The following BRINP3 variants were observed in gnomAD, a reference collection of about 807,000 sequenced individuals.
BRINP3 encodes BMP/retinoic acid-inducible neural-specific protein 3.
Under a neutral mutation model 71.0 loss-of-function variants are expected in BRINP3, and 19 were observed. The ratio of observed to expected loss-of-function variants is 0.27; its 90% confidence interval spans 0.19 to 0.39. The LOEUF (loss-of-function observed/expected upper bound fraction) is 0.39, where lower values mean the gene tolerates loss of function less well. BRINP3 is among the 10% of genes least tolerant of loss of function. The pLI is 1.00. For synonymous variants in BRINP3, 380 were observed against 337.7 expected, an observed-to-expected ratio of 1.13 and a Z score of -1.37; for missense variants, 959 against 940.8, an observed-to-expected ratio of 1.02 and a Z score of -0.25.
chr1:190,399,972 TCA>T (rs1487382900), intron 2 of BRINP3, among the ~76,000 whole-genome samples: 3 of 152,016 alleles, frequency 2.0e-5, no homozygotes, highest in African/African-American at 7.2e-5. Context: ...CCTTAAACCA[TCA>T]CACTCTCTAT....
At chr1:190,354,890 T>C (rs538635264) in intron 2 of BRINP3, among the ~76,000 whole-genome samples, 1 of 151,846 alleles carries the variant, frequency 6.6e-6, no homozygotes, top group African/African-American at 2.4e-5. Context: ...TTTGACAATT[T>C]TTCCCATTTC....
chr1:190,116,550 C>T (rs1653150818), intron 7 of BRINP3, among the ~76,000 whole-genome samples: 1 of 152,042 alleles, frequency 6.6e-6, no homozygotes, highest in African/African-American at 2.4e-5. Flanking sequence ...GTAACTGGCT[C>T]TCCACCCTGG....
chr1:190,211,551 G>T (rs1655992691), intron 6 of BRINP3, among the ~76,000 whole-genome samples: 1 of 152,022 alleles, frequency 6.6e-6, no homozygotes, highest in Admixed American at 6.6e-5. Context: ...GATAGGTAAT[G>T]TATCTTCTAT....
At chr1:190,391,501 C>T (rs905448993) in intron 2 of BRINP3, among the ~76,000 whole-genome samples, 1 of 151,670 alleles carries the variant, frequency 6.6e-6, no homozygotes, top group African/African-American at 2.4e-5. Context: ...GATAGATGTC[C>T]AGTCTTAAAT....
chr1:190,262,769 G>A (rs1407918525), intron 4 of BRINP3, among the ~76,000 whole-genome samples: 1 of 151,956 alleles, frequency 6.6e-6, no homozygotes, highest in Non-Finnish European at 1.5e-5. Flanking sequence ...ACTTCTTTGG[G>A]ACTCGTTTTG....
At chr1:190,392,909 A>C (rs1194142396) in intron 2 of BRINP3, among the ~76,000 whole-genome samples, 2 of 151,728 alleles carry the variant, frequency 1.3e-5, no homozygotes, top group Non-Finnish European at 3.0e-5. Flanking sequence ...TCTTAATTTA[A>C]GTTGCTTGAT....
chr1:190,468,845 A>G (rs1202233347), intron 1 of BRINP3, among the ~76,000 whole-genome samples: 1 of 151,048 alleles, frequency 6.6e-6, no homozygotes, highest in Non-Finnish European at 1.5e-5. Context: ...TCTAAAATAT[A>G]CTTTGAATGT....
intron 7 of BRINP3, among the ~76,000 whole-genome samples, chr1:190,115,758 A>T (rs1653079022): frequency 6.6e-6 from 1 of 152,086 alleles, no homozygotes; most frequent in African/African-American, 2.4e-5. Context: ...ACTGTGGGAA[A>T]CCGAAGGTGA....
intron 3 of BRINP3, among the ~76,000 whole-genome samples, chr1:190,267,827 A>C (rs1237774297): frequency 1.3e-5 from 2 of 152,080 alleles, no homozygotes; most frequent in African/African-American, 4.8e-5. Context: ...CCTTCCCCAC[A>C]ACCCCCCAAA....
intron 4 of BRINP3, among the ~76,000 whole-genome samples, chr1:190,241,374 T>C (rs552353447): frequency 1.3e-5 from 2 of 152,172 alleles, no homozygotes; most frequent in Non-Finnish European, 2.9e-5. Flanking sequence ...AACTCATAAA[T>C]CAAATACCCA....
chr1:190,474,851 C>G (rs988514489), intron 1 of BRINP3: 2 of 152,068 alleles, frequency 1.3e-5, no homozygotes, highest in South Asian at 2.1e-4. Context: ...CAGTAACCAG[C>G]GGCCAAGAAG....
At chr1:190,259,760 T>C (rs983365530) in intron 4 of BRINP3, among the ~76,000 whole-genome samples, 5 of 152,022 alleles carry the variant, frequency 3.3e-5, no homozygotes. Flanking sequence ...CCAGGCATGG[T>C]GGCTCACACC....
chr1:190,427,820 C>T (rs1220070990), intron 2 of BRINP3, among the ~76,000 whole-genome samples: 1 of 150,470 alleles, frequency 6.6e-6, no homozygotes, highest in Non-Finnish European at 1.5e-5. Flanking sequence ...TTTGTTGTAC[C>T]AATTATTTTA....
At chr1:190,116,967 G>A (rs1406503692) in intron 7 of BRINP3, among the ~76,000 whole-genome samples, 15 of 152,008 alleles carry the variant, frequency 9.9e-5, no homozygotes, top group Admixed American at 9.8e-4. Flanking sequence ...CTTATGACTT[G>A]TTTAAATCAA....
intron 2 of BRINP3, among the ~76,000 whole-genome samples, chr1:190,295,095 G>T (rs923901133): frequency 6.6e-6 from 1 of 152,068 alleles, no homozygotes; most frequent in East Asian, 1.9e-4. Context: ...GACCAGCACA[G>T]TGTAGGGGCT....
intron 2 of BRINP3, among the ~76,000 whole-genome samples, chr1:190,397,460 T>C (rs1671653791): frequency 6.6e-6 from 1 of 151,972 alleles, no homozygotes; most frequent in South Asian, 2.1e-4. Context: ...GGCACTTGAC[T>C]TATTTTATCT....
At chr1:190,309,162 A>G (rs1158941431) in intron 2 of BRINP3, among the ~76,000 whole-genome samples, 4 of 148,376 alleles carry the variant, frequency 2.7e-5, no homozygotes, top group African/African-American at 9.9e-5. Flanking sequence ...TCTTGAGGAC[A>G]TTATGCTAAG....
Position 190,226,171 on chromosome 1 carries a change from C to T in BRINP3, c.872G>A (p.Cys291Tyr). Residue 291 changes from cysteine to tyrosine, a missense_variant, in exon 6 of 8, where the codon TGC (cysteine) becomes TAC (tyrosine). Coordinates refer to ENST00000367462, the MANE Select transcript of BRINP3 (RefSeq NM_199051.3). Reference sequence around the variant, plus strand: ...CATGGCTTGAATGTCCATGGAGGGGCAGTTGCATTCTGGAAATTTGGGACC... The same window carrying T: ...CATGGCTTGAATGTCCATGGAGGGGTAGTTGCATTCTGGAAATTTGGGACC... ...HCGPKFPECNCPSMDIQAMEE... is the reference protein window; with the variant it reads ...HCGPKFPECNYPSMDIQAMEE... 6.2e-7 allele frequency: 1 copy of T among 1,612,454 alleles called. No individual in the cohort carries two copies. Among genetic ancestry groups the T allele is most frequent in the Non-Finnish European group, 8.5e-7 (1 of 1,179,044 alleles).
intron 3 of BRINP3, among the ~76,000 whole-genome samples, chr1:190,272,104 A>AGT (rs1662160711): frequency 1.3e-5 from 2 of 151,544 alleles, no homozygotes; most frequent in African/African-American, 4.8e-5. Context: ...GAGATTTAAA[A>AGT]GTCTTTTTCA....
Sources: gnomAD v4.1 joint callset for allele counts (sites outside exome capture counted in the v4.1 genomes callset) on GRCh38, gnomAD v4.1.1 for gene constraint, MANE v1.5 for transcripts, NCBI Gene and HGNC (gene_info 2026-07-23, HGNC 2026-07-21) for gene names.